The following PDXDC1 variants were observed in gnomAD, a reference collection of about 807,000 sequenced individuals.
The protein encoded by PDXDC1 is pyridoxal-dependent decarboxylase domain-containing protein 1.
PDXDC1 carries 42 observed loss-of-function variants against 100.1 expected under a neutral mutation model. The observed-to-expected ratio is 0.42, with a 90% CI of 0.33 to 0.54. The LOEUF (loss-of-function observed/expected upper bound fraction) is 0.54. Among genes scored for constraint, PDXDC1 ranks in the 20% least tolerant of loss-of-function variants. The pLI is 0.10. For synonymous variants in PDXDC1, 260 were observed against 371.7 expected, an observed-to-expected ratio of 0.70 and a Z score of 3.46; for missense variants, 636 against 979.2, an observed-to-expected ratio of 0.65 and a Z score of 4.68.
chr16:15,102,030 TAG>T (rs969833212), intron 16 of PDXDC1, among the ~76,000 whole-genome samples: 1 of 152,088 alleles, frequency 6.6e-6, no homozygotes, highest in South Asian at 2.1e-4. Context: ...GTATTTTTGG[TAG>T]AGACAGGGTT....
chr16:15,064,166 TTTTG>T (rs2044850175), intron 16 of PDXDC1, among the ~76,000 whole-genome samples: 1 of 151,942 alleles, frequency 6.6e-6, no homozygotes, highest in Non-Finnish European at 1.5e-5. Flanking sequence ...ATAAATCGCT[TTTTG>T]TTTTTTTTTT....
intron 10 of PDXDC1, 56 bp from the exon 11 acceptor site, chr16:15,017,265 G>A: frequency 1.3e-6 from 2 of 1,598,678 alleles, no homozygotes; most frequent in South Asian, 1.1e-5. Context: ...AATGGAGGAG[G>A]GTGTTAGGTT....
chr16:14,982,414 G>C (rs371538944), intron 1 of PDXDC1, among the ~76,000 whole-genome samples: 26 of 152,378 alleles, frequency 1.7e-4, no homozygotes, highest in African/African-American at 5.5e-4. Flanking sequence ...CCTGAGGTCA[G>C]GAGTTCGAGA....
intron 15 of PDXDC1, 96 bp from the exon 16 acceptor site, chr16:15,029,855 G>C (rs2042924614): frequency 9.3e-7 from 1 of 1,072,930 alleles, no homozygotes; most frequent in East Asian, 2.7e-5. Context: ...AGCTCTCCAG[G>C]AGGCTCTTTG....
intron 16 of PDXDC1, among the ~76,000 whole-genome samples, chr16:15,087,461 A>C (rs577471051): frequency 6.6e-6 from 1 of 152,232 alleles, no homozygotes; most frequent in Non-Finnish European, 1.5e-5. Context: ...TCCTCTGTCC[A>C]CCGTCCCACA....
intron 1 of PDXDC1, among the ~76,000 whole-genome samples, chr16:14,983,294 C>T (rs533740674): frequency 2.4e-4 from 37 of 152,352 alleles, no homozygotes; most frequent in Middle Eastern, 3.4e-3. Context: ...TTCTCTTGGC[C>T]GGGTATGGTG....
intron 1 of PDXDC1, among the ~76,000 whole-genome samples, chr16:14,984,029 G>A (rs1029503300): frequency 1.3e-5 from 2 of 152,250 alleles, no homozygotes; most frequent in African/African-American, 4.8e-5. Context: ...CAGGCTTGGT[G>A]GCATGCACCT....
At position 15,133,658 on chromosome 16, in the gene PDXDC1, A is replaced by G; in HGVS notation, c.1400-5221A>G. The G allele has an allele frequency of 2.0e-6, 3 of 1,507,888 alleles. No homozygotes were observed. In the East Asian group the frequency reaches 6.8e-5, roughly 34 times the overall value. The allele number at this position is 1,507,888 out of a possible 1,614,324, so 93.4% of individuals were successfully genotyped here. A position where few individuals can be genotyped will look rare whatever the true frequency, so the allele number is the denominator to read the frequency against. ...GCCCTGGCGACAGCGCTGCAGCAGCAGGGCGTACACCAGCGGGGCGCCAGC... is the reference window on the plus strand; with the variant it reads ...GCCCTGGCGACAGCGCTGCAGCAGCGGGGCGTACACCAGCGGGGCGCCAGC... On this transcript the variant is annotated intron_variant, in intron 16 of 16. Coordinates refer to the PDXDC1 transcript ENST00000535621.
intron 11 of PDXDC1, 131 bp downstream of exon 11, chr16:15,017,553 A>G: frequency 1.4e-6 from 1 of 733,410 alleles, no homozygotes; most frequent in South Asian, 1.8e-5. Context: ...ATTTTTTTAA[A>G]GAGAAACTTG....
At chr16:15,073,371 C>T (rs372705668) in intron 16 of PDXDC1, among the ~76,000 whole-genome samples, 1 of 152,116 alleles carries the variant, frequency 6.6e-6, no homozygotes, top group Non-Finnish European at 1.5e-5. Context: ...GCGGATGAAC[C>T]GCTTGAGCCC....
intron 16 of PDXDC1, chr16:15,125,895 G>A (rs1048508072): frequency 1.4e-6 from 1 of 703,332 alleles, no homozygotes; most frequent in African/African-American, 1.7e-5. Flanking sequence ...AGACAGGACA[G>A]AGCCCGGTGC....
At chr16:14,990,102 C>A in intron 1 of PDXDC1, 2 of 1,482,314 alleles carry the variant, frequency 1.3e-6, no homozygotes, top group Non-Finnish European at 1.8e-6. Flanking sequence ...GAGGAGGCGG[C>A]GGGCCCAGCT....
At chr16:15,049,354 C>T (rs1461096359) in intron 16 of PDXDC1, among the ~76,000 whole-genome samples, 1 of 152,114 alleles carries the variant, frequency 6.6e-6, no homozygotes, top group Non-Finnish European at 1.5e-5. Flanking sequence ...TAGTCCCTAA[C>T]CTAGTAATTT....
rs2048388677 is a variant in PDXDC1, at chr16:15,137,600, C to A, written c.1400-1279C>A. 4 of 1,372,794 alleles carry A rather than the reference C, an allele frequency of 2.9e-6. No individual in the cohort carries two copies. The Admixed American group carries it at 7.9e-5, about 27-fold the overall frequency. 85.0% of individuals were successfully genotyped at this position (1,372,794 alleles called of 1,614,324 possible). On this transcript the variant is annotated intron_variant, in intron 16 of 16. Transcript: ENST00000535621. The stretch of plus-strand genomic sequence containing the variant: ...TCCTCCTGGCTCCACCCCACACACC[C>A]CCATCCGCCCGCCGCACTCACAGGC...
At chr16:15,001,006 A>G (rs1973028491) in intron 3 of PDXDC1, among the ~76,000 whole-genome samples, 1 of 151,638 alleles carries the variant, frequency 6.6e-6, no homozygotes, top group Non-Finnish European at 1.5e-5. Context: ...TGCTTATTAA[A>G]TATTCTCTGT....
In PDXDC1 at chr16:15,063,141, G is replaced by C; in HGVS notation, c.1399+33085G>C. 6.2e-6 allele frequency: 8 copies of C among 1,299,210 alleles called. No individual in the cohort carries two copies. In the South Asian group the frequency reaches 9.4e-5, roughly 15 times the overall value. The allele number at this position is 1,299,210 out of a possible 1,614,324, so 80.5% of individuals were successfully genotyped here. ...GACTTGCCACTTACTATCTCACTGTGACCTGGAACCAGAAAGGAGATTCCG... is the reference window on the plus strand; with the variant it reads ...GACTTGCCACTTACTATCTCACTGTCACCTGGAACCAGAAAGGAGATTCCG... On this transcript the variant is annotated intron_variant, in intron 16 of 16. Transcript: ENST00000535621.
chr16:15,133,792 C>T, intron 16 of PDXDC1: 3 of 1,587,110 alleles, frequency 1.9e-6, no homozygotes, highest in South Asian at 1.1e-5. Context: ...GGCCTGTACT[C>T]ACCCGTGCAT....
In PDXDC1 at chr16:14,997,647, A is replaced by C; in HGVS notation, c.22-106A>C. ...TGCAAGTTTTAAAATCATGTATTTC[A>C]CAGTAAATCCAGAAGAAATTATGCA... On this transcript the variant is annotated intron_variant, in intron 1 of 22. Coordinates refer to ENST00000396410, the MANE Select transcript of PDXDC1 (RefSeq NM_015027.4). 8.9e-6 allele frequency: 11 copies of C among 1,239,612 alleles called. No homozygotes were observed. In the South Asian group the frequency reaches 1.6e-4, roughly 18 times the overall value. The allele number at this position is 1,239,612 out of a possible 1,614,324, so 76.8% of individuals were successfully genotyped here. A position where few individuals can be genotyped will look rare whatever the true frequency, so the allele number is the denominator to read the frequency against.
At chr16:14,990,134 C>A (rs1970412532) in intron 1 of PDXDC1, 1 of 1,442,540 alleles carries the variant, frequency 6.9e-7, no homozygotes, top group East Asian at 3.5e-5. Flanking sequence ...GTCCCGGCAG[C>A]CCCTTGAGCC....
Sources: gnomAD v4.1 joint callset for allele counts (sites outside exome capture counted in the v4.1 genomes callset) on GRCh38, gnomAD v4.1.1 for gene constraint, MANE v1.5 for transcripts, NCBI Gene and HGNC (gene_info 2026-07-23, HGNC 2026-07-21) for gene names.